Variants in DLEU7 observed in about 807,000 individuals in gnomAD.
The protein encoded by DLEU7 is leukemia-associated protein 7.
DLEU7 carries 17 observed loss-of-function variants against 16.0 expected under a neutral mutation model. The ratio of observed to expected loss-of-function variants is 1.06; its 90% confidence interval spans 0.73 to 1.59. DLEU7 has a LOEUF of 1.59. Among genes scored for constraint, DLEU7 ranks in the 40% most tolerant of loss-of-function variants. The probability of loss-of-function intolerance (pLI) is 0.00; values close to 1 mark genes in which losing one functional copy is unlikely to be tolerated. For synonymous variants in DLEU7, 113 were observed against 139.8 expected, an observed-to-expected ratio of 0.81 and a Z score of 1.35; for missense variants, 308 against 314.9, an observed-to-expected ratio of 0.98 and a Z score of 0.17.
At chr13:50,840,524 C>T (rs1224023096) in intron 1 of DLEU7, among the ~76,000 whole-genome samples, 1 of 152,140 alleles carries the variant, frequency 6.6e-6, no homozygotes, top group Non-Finnish European at 1.5e-5. Flanking sequence ...ACTCATTATC[C>T]CCCTGCGGGT....
At chr13:50,833,795 C>T (rs1267318872) in intron 1 of DLEU7, among the ~76,000 whole-genome samples, 1 of 152,136 alleles carries the variant, frequency 6.6e-6, no homozygotes, top group Non-Finnish European at 1.5e-5. Context: ...AACTATACTA[C>T]AAGGCTACAG....
intron 1 of DLEU7, among the ~76,000 whole-genome samples, chr13:50,724,339 T>A (rs1236891108): frequency 2.6e-5 from 4 of 152,214 alleles, no homozygotes; most frequent in Admixed American, 2.6e-4. Flanking sequence ...TACTTTTTTC[T>A]TTTGTGAATG....
At chr13:50,813,043 C>T (rs546577888) in intron 1 of DLEU7, 9 of 152,204 alleles carry the variant, frequency 5.9e-5, no homozygotes, top group South Asian at 2.1e-4. Flanking sequence ...TAACCAGGCC[C>T]GCCCCAGCTT....
chr13:50,737,789 A>G (rs1874119507), intron 1 of DLEU7, among the ~76,000 whole-genome samples: 2 of 152,124 alleles, frequency 1.3e-5, no homozygotes, highest in East Asian at 1.9e-4. Context: ...CTAAGTGTAC[A>G]GGTGAAAGGA....
chr13:50,836,122 A>G (rs911239197), intron 1 of DLEU7, among the ~76,000 whole-genome samples: 3 of 152,224 alleles, frequency 2.0e-5, no homozygotes, highest in African/African-American at 4.8e-5. Context: ...ATACTCACTT[A>G]ACCACCAGCT....
intron 1 of DLEU7, among the ~76,000 whole-genome samples, chr13:50,774,329 A>G (rs1202229606): frequency 1.3e-5 from 2 of 152,208 alleles, no homozygotes; most frequent in Non-Finnish European, 2.9e-5. Flanking sequence ...GGAAATGCAG[A>G]AATCACCCAT....
intron 1 of DLEU7, among the ~76,000 whole-genome samples, chr13:50,741,091 A>C (rs549731121): frequency 8.5e-4 from 129 of 152,310 alleles, no homozygotes; most frequent in African/African-American, 3.0e-3. Context: ...ACATCTAAAC[A>C]ATCTTCTCTT....
chr13:50,736,938 A>G (rs1214097470), intron 1 of DLEU7, among the ~76,000 whole-genome samples: 1 of 152,160 alleles, frequency 6.6e-6, no homozygotes, highest in East Asian at 1.9e-4. Flanking sequence ...TACAACTTAC[A>G]TAATGTGAAA....
intron 1 of DLEU7, among the ~76,000 whole-genome samples, chr13:50,778,723 T>C (rs929256264): frequency 6.6e-6 from 1 of 152,224 alleles, no homozygotes; most frequent in African/African-American, 2.4e-5. Context: ...AAATGTCCAC[T>C]GATTCCCTTT....
At chr13:50,750,803 CTT>C (rs1357473492) in intron 1 of DLEU7, among the ~76,000 whole-genome samples, 8 of 152,268 alleles carry the variant, frequency 5.3e-5, no homozygotes, top group African/African-American at 1.7e-4. Flanking sequence ...TATCCAGAAA[CTT>C]TGCTGAATTA....
chr13:50,816,609 G>C (rs1185970543), intron 1 of DLEU7, among the ~76,000 whole-genome samples: 2 of 152,078 alleles, frequency 1.3e-5, no homozygotes, highest in African/African-American at 2.4e-5. Flanking sequence ...TGAGAGACAA[G>C]AGGGTATCAA....
intron 1 of DLEU7, among the ~76,000 whole-genome samples, chr13:50,767,145 C>T (rs1275868736): frequency 6.6e-6 from 1 of 152,172 alleles, no homozygotes; most frequent in Non-Finnish European, 1.5e-5. Context: ...TTATTTCTAG[C>T]CCAGAGCTTG....
chr13:50,742,881 G>A (rs1160846930), intron 1 of DLEU7, among the ~76,000 whole-genome samples: 1 of 152,080 alleles, frequency 6.6e-6, no homozygotes, highest in East Asian at 1.9e-4. Flanking sequence ...GTTTGCTGAC[G>A]TCCTATATAG....
At chr13:50,713,259 A>C in intron 1 of DLEU7, 1 of 1,607,012 alleles carries the variant, frequency 6.2e-7, no homozygotes, top group Non-Finnish European at 8.5e-7. Context: ...AATGTAGCAT[A>C]ATATCTCAAA....
In DLEU7 at chr13:50,734,227, C is replaced by T. The variant is rs1874000018; in HGVS notation, c.460-20987G>A. 2.0e-5 allele frequency among the ~76,000 whole-genome samples: 3 copies of T among 152,270 alleles called. No homozygotes were observed. In the South Asian group the frequency reaches 6.2e-4, roughly 32 times the overall value. On this transcript the variant is annotated intron_variant, in intron 1 of 1. Transcript: ENST00000400393. ...TTGAGAACCAAAAGTGTATTCAAAT[C>T]TTGACCACTTAGAATAAAAGCAGTG...
At chr13:50,804,686 T>C (rs1480895309) in intron 1 of DLEU7, among the ~76,000 whole-genome samples, 3 of 152,090 alleles carry the variant, frequency 2.0e-5, no homozygotes, top group Non-Finnish European at 4.4e-5. Context: ...CCTCAGGTGA[T>C]CCGCCAGCCT....
intron 1 of DLEU7, among the ~76,000 whole-genome samples, chr13:50,841,756 AT>A (rs1467697598): frequency 2.5e-3 from 368 of 145,270 alleles, no homozygotes; most frequent in South Asian, 9.8e-3. Context: ...AAAAAAAAAA[AT>A]CCCTTAAATT....
Position 50,722,292 on chromosome 13 carries a change from G to T in DLEU7, c.460-9052C>A, listed in dbSNP as rs142519372. On this transcript the variant is annotated intron_variant, in intron 1 of 1. Transcript: ENST00000400393. ...CCTGTGTTTCTGTATCATTATGAGAGCATGGCTGGGTTCACCTGCTTTTCC... is the reference window on the plus strand; with the variant it reads ...CCTGTGTTTCTGTATCATTATGAGATCATGGCTGGGTTCACCTGCTTTTCC... Among the ~76,000 whole-genome samples the T allele has an allele frequency of 2.6e-3, 395 of 152,306 alleles. 1 individual carries two copies. Among genetic ancestry groups the T allele is most frequent in the African/African-American group, 9.2e-3 (381 of 41,568 alleles).
chr13:50,713,383 G>T, intron 1 of DLEU7: 1 of 1,049,384 alleles, frequency 9.5e-7, no homozygotes, highest in Non-Finnish European at 1.4e-6. Flanking sequence ...ACATTTCTTG[G>T]CTACCCATTA....
Sources: gnomAD v4.1 joint callset for allele counts (sites outside exome capture counted in the v4.1 genomes callset) on GRCh38, gnomAD v4.1.1 for gene constraint, MANE v1.5 for transcripts, NCBI Gene and HGNC (gene_info 2026-07-23, HGNC 2026-07-21) for gene names.